Variants in VNN2 observed in about 807,000 individuals in gnomAD.
The protein encoded by VNN2 is vanin 2, also known as pantetheine hydrolase VNN2.
In VNN2, 43 loss-of-function variants were observed where a neutral mutation model predicts 43.0. The observed-to-expected ratio is 1.00, with a 90% confidence interval of 0.78 to 1.29. VNN2 has a LOEUF of 1.29. VNN2 is among the 50% of genes most tolerant of loss of function. The probability of loss-of-function intolerance (pLI) is 0.00; values close to 1 mark genes in which losing one functional copy is unlikely to be tolerated. For synonymous variants in VNN2, 230 were observed against 224.3 expected, an observed-to-expected ratio of 1.03 and a Z score of -0.23; for missense variants, 652 against 619.7, an observed-to-expected ratio of 1.05 and a Z score of -0.55.
upstream of VNN2, among the ~76,000 whole-genome samples, chr6:132,761,355 TAAA>T (rs61548790): frequency 0.036 from 4,981 of 137,236 alleles, 271 homozygotes; most frequent in African/African-American, 0.13. Context: ...AGAGTCACCA[TAAA>T]AAAAAAAAAA....
intron 3 of VNN2, chr6:132,753,116 G>A (rs764425503): frequency 1.0e-4 from 20 of 198,178 alleles, no homozygotes; most frequent in Non-Finnish European, 1.6e-4. Context: ...GCATGATTTC[G>A]GCTCACTGCA....
intron 6 of VNN2, among the ~76,000 whole-genome samples, chr6:132,747,681 T>C (rs1779800558): frequency 6.6e-6 from 1 of 152,234 alleles, no homozygotes; most frequent in Non-Finnish European, 1.5e-5. Flanking sequence ...ACAAATACTA[T>C]GGAGTTAAGC....
At position 132,744,299 on chromosome 6, in the gene VNN2, C is replaced by T. The variant is rs1339203634; in HGVS notation, c.*1G>A. ...CAGAAGCTGAGTGATAAAGAGACGC[C>T]CTATAACATTACAATATTTTGCAAA... On this transcript the variant is annotated 3_prime_UTR_variant, in exon 7 of 7. Transcript: ENST00000326499. 1 of 1,610,420 alleles carries T rather than the reference C, an allele frequency of 6.2e-7. No individual in the cohort carries two copies. Among genetic ancestry groups the T allele is most frequent in the African/African-American group, 1.3e-5 (1 of 74,632 alleles).
At chr6:132,758,033 CTTCTTCTTTTTTTTTTT>C, upstream of VNN2, 1 of 69,414 alleles carries the variant, frequency 1.4e-5, no homozygotes, top group Non-Finnish European at 2.2e-5. Context: ...TCTTCTTCTT[CTTCTTCTTTTTTTTTTT>C]TTTTTTTTTT....
upstream of VNN2, chr6:132,758,027 CTTCTTCTTCTTCTTTTT>C: frequency 4.2e-5 from 3 of 71,938 alleles, no homozygotes; most frequent in Non-Finnish European, 6.4e-5. Flanking sequence ...TCTTCTTCTT[CTTCTTCTTCTTCTTTTT>C]TTTTTTTTTT....
chr6:132,757,239 C>G (rs1259987148), intron 2 of VNN2, among the ~76,000 whole-genome samples, 177 bp downstream of exon 2: 1 of 152,162 alleles, frequency 6.6e-6, no homozygotes, highest in Non-Finnish European at 1.5e-5. Flanking sequence ...TTTTCAATCA[C>G]AAAAGATTGT....
intron 2 of VNN2, among the ~76,000 whole-genome samples, chr6:132,756,245 G>T (rs545695803): frequency 6.6e-6 from 1 of 151,864 alleles, no homozygotes; most frequent in Non-Finnish European, 1.5e-5. Flanking sequence ...TTCATTATTC[G>T]GTCTCCTGCC....
At position 132,744,445 on chromosome 6, in the gene VNN2, G is replaced by A. The variant is rs1344775308; in HGVS notation, c.1418C>T (p.Pro473Leu). 2 of 1,606,560 alleles carry A rather than the reference G, an allele frequency of 1.2e-6. No individual in the cohort carries two copies. Among genetic ancestry groups the A allele is most frequent in the Non-Finnish European group, 1.7e-6 (2 of 1,177,450 alleles). ...CCCAAAGAGTGACACTGTTAGTATA[G>A]GCCCAGATGATCCATTCTTGTTTAC... ...RLVNKNGSSGPILTVSLFGRW... is the reference protein window; with the variant it reads ...RLVNKNGSSGLILTVSLFGRW... Residue 473 changes from proline to leucine, a missense_variant, in exon 7 of 7, where the codon CCT becomes CTT. Pro to Leu is a moderately conservative substitution (Grantham distance 98). Transcript: ENST00000326499.
At chr6:132,755,762 G>T in intron 3 of VNN2, 81 bp downstream of exon 3, 1 of 1,365,604 alleles carries the variant, frequency 7.3e-7, no homozygotes. Context: ...GTATCATATA[G>T]GGAATGAAAT....
chr6:132,759,046 G>T (rs547819289), upstream of VNN2, among the ~76,000 whole-genome samples: 1 of 152,144 alleles, frequency 6.6e-6, no homozygotes, highest in Non-Finnish European at 1.5e-5. Context: ...GGAAGGGGAA[G>T]AGTCCAGGAT....
At chr6:132,758,846 C>A (rs1265374892), upstream of VNN2, among the ~76,000 whole-genome samples, 5 of 152,086 alleles carry the variant, frequency 3.3e-5, no homozygotes, top group East Asian at 9.7e-4. Flanking sequence ...GCAACAATAC[C>A]CCGAGGCACC....
chr6:132,747,836 C>T (rs935005320), intron 6 of VNN2, among the ~76,000 whole-genome samples: 2 of 152,166 alleles, frequency 1.3e-5, no homozygotes, highest in Non-Finnish European at 2.9e-5. Flanking sequence ...CTATCACCAT[C>T]CACCTTCAAA....
At chr6:132,761,621 T>C (rs1198031546), upstream of VNN2, among the ~76,000 whole-genome samples, 1 of 151,978 alleles carries the variant, frequency 6.6e-6, no homozygotes, top group African/African-American at 2.4e-5. Flanking sequence ...GATAGCACCA[T>C]TGCACTCCAG....
rs149341033 is a variant in VNN2 at position 132,745,495 on chromosome 6, C to A, written c.1372-1004G>T. Among the ~76,000 whole-genome samples the A allele has an allele frequency of 7.2e-5, 11 of 152,288 alleles. No homozygotes were observed. The East Asian group carries it at 2.1e-3, about 29-fold the overall frequency. ...CCTCCCAAAGTGCTGGGATTACAGGCGTGAGCTATCAAACTCTGCCAACAG... is the reference window on the plus strand; with the variant it reads ...CCTCCCAAAGTGCTGGGATTACAGGAGTGAGCTATCAAACTCTGCCAACAG... On this transcript the variant is annotated intron_variant, in intron 6 of 6. Transcript: ENST00000326499.
chr6:132,757,740 C>G lies in VNN2; in HGVS notation c.144G>C (p.Glu48Asp). Residue 48 changes from glutamate (E) to aspartate (D), a missense_variant, in exon 1 of 7, where the codon GAG becomes GAC. Glu to Asp is a conservative substitution (Grantham distance 45, BLOSUM62 2). Transcript: ENST00000326499. ...TCTCGTTCATGAGATTCAAGGCATC[C>G]TCCTGAGAAACTGGTGTTTCTGTTT... ...PNKTETPVSQ[E>D]DALNLMNENI... 1 of 1,614,122 alleles carries G rather than the reference C, an allele frequency of 6.2e-7. No individual in the cohort carries two copies. The highest frequency in any genetic ancestry group is 2.2e-5 in the East Asian group (1 of 44,888).
At chr6:132,750,995 CGTGT>C (rs36044107) in intron 5 of VNN2, 146 bp downstream of exon 5, 64 of 851,832 alleles carry the variant, frequency 7.5e-5, no homozygotes, top group Non-Finnish European at 9.6e-5. Flanking sequence ...CATAAATGCA[CGTGT>C]GTGTGTGTGT....
chr6:132,752,866 G>A, intron 3 of VNN2, 117 bp from the exon 4 acceptor site: 2 of 1,147,798 alleles, frequency 1.7e-6, no homozygotes, highest in South Asian at 3.1e-5. Flanking sequence ...GAATCTCCTA[G>A]GAAGCGGATA....
intron 2 of VNN2, 41 bp from the exon 3 acceptor site, chr6:132,756,076 A>G (rs574604201): frequency 6.4e-5 from 95 of 1,484,972 alleles, no homozygotes; most frequent in Non-Finnish European, 8.0e-5. Flanking sequence ...TTTTAAAAAA[A>G]TATTTTAGTC....
At position 132,748,168 on chromosome 6, in the gene VNN2, C is replaced by T. The variant is rs148052839; in HGVS notation, c.1371+1527G>A. 2.3e-3 allele frequency among the ~76,000 whole-genome samples: 353 copies of T among 152,324 alleles called. 1 individual carries two copies. Among genetic ancestry groups the T allele is most frequent in the Non-Finnish European group, 4.3e-3 (293 of 68,032 alleles). On this transcript the variant is annotated intron_variant, in intron 6 of 6. Transcript: ENST00000326499. ...CTTGGTGACCCTGATTTCTCTCTCT[C>T]ACTTCCTTGAAGTGATCTCAGATAG...
Sources: gnomAD v4.1 joint callset for allele counts (sites outside exome capture counted in the v4.1 genomes callset) on GRCh38, gnomAD v4.1.1 for gene constraint, MANE v1.5 for transcripts, NCBI Gene and HGNC (gene_info 2026-07-23, HGNC 2026-07-21) for gene names.